Variants in PI4KA observed in about 807,000 individuals in gnomAD.
PI4KA encodes phosphatidylinositol 4-kinase alpha.
PI4KA carries 122 observed loss-of-function variants against 271.4 expected under a neutral mutation model. The observed-to-expected ratio is 0.45, with a 90% CI of 0.39 to 0.52. The LOEUF (loss-of-function observed/expected upper bound fraction) is 0.52. PI4KA is among the 20% of genes least tolerant of loss of function. The pLI, the probability that PI4KA is intolerant of heterozygous loss-of-function variation, is 0.00. For synonymous variants in PI4KA, 1,041 were observed against 1,078.8 expected (o/e 0.96, Z 0.69); for missense variants, 1,969 against 2,769.1 (o/e 0.71, Z 6.48).
At chr22:20,788,985 GCCGGTGTGGAGT>G (rs947665689) in intron 19 of PI4KA, among the ~76,000 whole-genome samples, 7 of 152,140 alleles carry the variant, frequency 4.6e-5, no homozygotes, top group Admixed American at 1.3e-4. Flanking sequence ...CTCTGCTACA[GCCGGTGTGGAGT>G]CCTCCACACT....
At chr22:20,819,273 T>A in intron 6 of PI4KA, among the ~76,000 whole-genome samples, 1 of 151,960 alleles carries the variant, frequency 6.6e-6, no homozygotes, top group Non-Finnish European at 1.5e-5. Flanking sequence ...AGTCTGTATG[T>A]TTGGCCATAT....
At chr22:20,730,217 G>A (rs1178114285) in intron 36 of PI4KA, among the ~76,000 whole-genome samples, 1 of 152,016 alleles carries the variant, frequency 6.6e-6, no homozygotes, top group Non-Finnish European at 1.5e-5. Context: ...TATTCTAGAT[G>A]GAATGTTTAA....
intron 19 of PI4KA, among the ~76,000 whole-genome samples, chr22:20,784,522 G>C (rs879312943): frequency 6.6e-6 from 1 of 152,104 alleles, no homozygotes; most frequent in Non-Finnish European, 1.5e-5. Flanking sequence ...TTGTGGCTTC[G>C]AGTCCCAGCT....
intron 19 of PI4KA, among the ~76,000 whole-genome samples, chr22:20,781,019 G>A (rs1170716247): frequency 6.6e-6 from 1 of 152,152 alleles, no homozygotes; most frequent in Non-Finnish European, 1.5e-5. Context: ...TTCAGCTTGA[G>A]CAGCTGACAT....
chr22:20,839,778 C>T (rs1228708104), intron 1 of PI4KA, among the ~76,000 whole-genome samples: 4 of 151,828 alleles, frequency 2.6e-5, no homozygotes, highest in African/African-American at 4.8e-5. Context: ...TGCAGAGAGC[C>T]GAGATGGCAC....
At chr22:20,763,396 C>T (rs769391814) in intron 22 of PI4KA, among the ~76,000 whole-genome samples, 2 of 151,606 alleles carry the variant, frequency 1.3e-5, no homozygotes, top group East Asian at 3.9e-4. Flanking sequence ...AGGAGTGAGC[C>T]ACTGCAACCG....
In PI4KA at chr22:20,799,226, G is replaced by C; in HGVS notation, c.1871C>G (p.Ala624Gly). 1 of 1,565,474 alleles carries C rather than the reference G, an allele frequency of 6.4e-7. No individual in the cohort carries two copies. The highest frequency in any genetic ancestry group is 8.7e-7 in the Non-Finnish European group (1 of 1,156,036). ...DHTIRALGHI[A>G]VALRDTPKVM... is the part of the protein sequence containing the mutation. ...CTTCGGGGTGTCCCTCAAGGCCACCGCAATGTGTCCCAAGGCTCGGATTGT... is the reference window on the plus strand; with the variant it reads ...CTTCGGGGTGTCCCTCAAGGCCACCCCAATGTGTCCCAAGGCTCGGATTGT... The change falls in exon 16 of 55, where the codon GCG (alanine) becomes GGG (glycine). Residue 624 changes from alanine (A) to glycine (G), a missense_variant. Around this residue, in one of 13 missense-constraint regions of PI4KA, gnomAD observed 228 missense variants for 261.6 expected, o/e 0.87. Transcript: ENST00000255882.
chr22:20,828,244 G>A (rs1038071539), intron 3 of PI4KA, among the ~76,000 whole-genome samples: 2 of 152,140 alleles, frequency 1.3e-5, no homozygotes, highest in African/African-American at 2.4e-5. Flanking sequence ...ATCAGATCAA[G>A]GGGCTTTGGG....
intron 13 of PI4KA, among the ~76,000 whole-genome samples, chr22:20,802,567 G>T (rs981677272): frequency 3.9e-5 from 6 of 152,166 alleles, no homozygotes; most frequent in Non-Finnish European, 5.9e-5. Context: ...ATAGGGTCTT[G>T]CTCTGTCACC....
chr22:20,718,817 T>C lies in PI4KA; in HGVS notation c.5122A>G (p.Ile1708Val), dbSNP rs761412646. The C allele has an allele frequency of 1.2e-6, 2 of 1,613,734 alleles. No individual in the cohort carries two copies. The highest frequency in any genetic ancestry group is 2.2e-5 in the East Asian group (1 of 44,904). ...DEEGHQKDPDIGDLLDQLVEE... is the reference protein window; with the variant it reads ...DEEGHQKDPDVGDLLDQLVEE... Reference sequence around the variant, plus strand: ...ACCAACTGATCCAGGAGGTCGCCGATGTCAGCTGCCAAGGAAGCAAAGAGG... The same window carrying C: ...ACCAACTGATCCAGGAGGTCGCCGACGTCAGCTGCCAAGGAAGCAAAGAGG... The change falls in exon 44 of 55, where the codon ATC (isoleucine) becomes GTC (valine). Residue 1708 changes from isoleucine (I) to valine (V), a missense_variant. Physicochemically the swap from Ile to Val is conservative, Grantham distance 29. This residue lies in a region of PI4KA where 388 missense variants were observed against 521.5 expected (regional missense o/e 0.74). Transcript: ENST00000255882.
chr22:20,762,081 T>C (rs1932023443), intron 22 of PI4KA, among the ~76,000 whole-genome samples: 1 of 152,218 alleles, frequency 6.6e-6, no homozygotes, highest in South Asian at 2.1e-4. Flanking sequence ...ATTTTTCTTT[T>C]ATGGTAAAAA....
At chr22:20,802,407 A>G (rs1935382444) in intron 13 of PI4KA, among the ~76,000 whole-genome samples, 1 of 152,234 alleles carries the variant, frequency 6.6e-6, no homozygotes, top group African/African-American at 2.4e-5. Context: ...AGGGCGACTG[A>G]GGCATGGCCC....
At position 20,718,777 on chromosome 22, in the gene PI4KA, C is replaced by A. The variant is rs150991785; in HGVS notation, c.5162G>T (p.Gly1721Val). The A allele has an allele frequency of 1.1e-5, 17 of 1,613,742 alleles. No individual in the cohort carries two copies. The highest frequency in any genetic ancestry group is 3.3e-4 in the Middle Eastern group (2 of 6,020). ...LLDQLVEEIT[G>V]SLSGPAKDFY... ...GTCCTTCGCTGGGCCGGACAAGGAG[C>A]CTGTGATCTCCTCTACCAACTGATC... Residue 1721 changes from glycine to valine, a missense_variant, in exon 44 of 55, where the codon GGC becomes GTC. Transcript: ENST00000255882.
intron 7 of PI4KA, among the ~76,000 whole-genome samples, chr22:20,815,379 C>CAAAAAAA (rs361826): frequency 2.3e-4 from 19 of 83,950 alleles, no homozygotes; most frequent in Admixed American, 2.7e-4. Context: ...GACTGCGTCT[C>CAAAAAAA]AAAAAAAAAA....
At chr22:20,721,203 C>T (rs1926695962) in intron 43 of PI4KA, 95 bp downstream of exon 43, 4 of 1,316,340 alleles carry the variant, frequency 3.0e-6, no homozygotes, top group Non-Finnish European at 4.3e-6. Flanking sequence ...TGAGCTGGGG[C>T]AGTGCAGGCT....
chr22:20,826,052 G>A (rs569581976), intron 3 of PI4KA, among the ~76,000 whole-genome samples: 2 of 152,196 alleles, frequency 1.3e-5, no homozygotes, highest in South Asian at 2.1e-4. Flanking sequence ...TACAAAAGAC[G>A]TGATCTTGGC....
rs1925714873 is a variant in PI4KA at position 20,714,454 on chromosome 22, T to C, written c.5461+4A>G. On this transcript the variant is annotated splice_donor_region_variant and intron_variant, in intron 47 of 54. Transcript: ENST00000255882. ...CCCAAACAAAATCAGGGTTCTTTAC[T>C]GACCTTCTTTTTCAAGTTCACTAAC... 6.2e-7 allele frequency: 1 copy of C among 1,609,964 alleles called. No individual in the cohort carries two copies. The highest frequency in any genetic ancestry group is 1.7e-5 in the Admixed American group (1 of 59,460).
rs551553536 is a variant in PI4KA, at chr22:20,858,672, GCCGCCGCCGCCT to G, written c.42_53del (p.Gly15_Gly18del). ...AGGCGCTGGAGCCGGAGCCGGAGCA[GCCGCCGCCGCCT>G]CCGCCTCCGCCTCCGCCTCCCCGGG... On this transcript the variant is annotated inframe_deletion, in exon 1 of 55. Transcript: ENST00000255882. The G allele has an allele frequency of 1.1e-3, 1,544 of 1,468,994 alleles. 11 individuals carry two copies. The African/African-American group carries it at 0.02, about 19-fold the overall frequency. 91.0% of individuals were successfully genotyped at this position (1,468,994 alleles called of 1,614,324 possible).
Position 20,764,905 on chromosome 22 carries a change from G to C in PI4KA, c.2620C>G (p.Pro874Ala). The stretch of plus-strand genomic sequence containing the variant: ...ATGAGTGCGGACACCTCGGGAGGGG[G>C]GTCCAGCAGGTTGATGATAGTGCTG... ...LRSTIINLLD[P>A]PPEVSALINK... is the part of the protein sequence containing the mutation. The change falls in exon 22 of 55, where the codon CCC (proline) becomes GCC (alanine). Residue 874 changes from proline (P) to alanine (A), a missense_variant. Pro to Ala is a conservative substitution (Grantham distance 27). Transcript: ENST00000255882. 2 of 1,613,330 alleles carry C rather than the reference G, an allele frequency of 1.2e-6. No individual in the cohort carries two copies.
Sources: allele counts gnomAD v4.1 joint callset (sites outside exome capture counted in the v4.1 genomes callset), GRCh38; gene constraint gnomAD v4.1.1; regional missense constraint gnomAD v4.1.1; transcripts MANE v1.5; gene names NCBI Gene and HGNC (gene_info 2026-07-23, HGNC 2026-07-21).